The following KTN1 variants were observed in gnomAD, a reference collection of about 807,000 sequenced individuals.
The protein encoded by KTN1 is kinectin 1, also known as kinectin.
KTN1 carries 130 observed loss-of-function variants against 222.5 expected under a neutral mutation model. The ratio of observed to expected loss-of-function variants is 0.58; its 90% CI spans 0.51 to 0.68. KTN1 has a LOEUF of 0.68. Among genes scored for constraint, KTN1 ranks in the 30% least tolerant of loss-of-function variants. The pLI is 0.00. For synonymous variants in KTN1, 512 were observed against 496.3 expected (o/e 1.03, Z -0.42); for missense variants, 1,508 against 1,500.4 (o/e 1.01, Z -0.08).
At chr14:55,623,563 GT>G (rs2039428650) in intron 5 of KTN1, among the ~76,000 whole-genome samples, 1 of 152,164 alleles carries the variant, frequency 6.6e-6, no homozygotes, top group South Asian at 2.1e-4. Flanking sequence ...TAGAGATGGG[GT>G]TTCACTGTGT....
In KTN1 at chr14:55,672,699, A is replaced by G; in HGVS notation, c.3601A>G (p.Asn1201Asp). 6.4e-7 allele frequency: 1 copy of G among 1,571,682 alleles called. No individual in the cohort carries two copies. Among genetic ancestry groups the G allele is most frequent in the South Asian group, 1.1e-5 (1 of 89,902 alleles). ...RLRSENKDIE[N>D]LRREREHLEM... is the part of the protein sequence containing the mutation. Reference sequence around the variant, plus strand: ...AAGAAGCGAAAATAAGGATATTGAAAATGTATGTTATTTGATTGTTTTACT... The same window carrying G: ...AAGAAGCGAAAATAAGGATATTGAAGATGTATGTTATTTGATTGTTTTACT... The change falls in exon 38 of 44, where the codon AAT (asparagine) becomes GAT (aspartate). Residue 1201 changes from asparagine (N) to aspartate (D), a missense_variant and splice_region_variant. Transcript: ENST00000395314.
chr14:55,656,270 A>G (rs2043457925), intron 29 of KTN1, 138 bp downstream of exon 29: 2 of 615,302 alleles, frequency 3.3e-6, no homozygotes, highest in Non-Finnish European at 2.9e-6. Flanking sequence ...CATTATTGGC[A>G]TGTTTTTTGA....
intron 42 of KTN1, 38 bp downstream of exon 42, chr14:55,678,482 T>C: frequency 7.7e-7 from 1 of 1,304,208 alleles, no homozygotes. Context: ...CTGAGCTAGT[T>C]ACCTTGTGAC....
In KTN1 at chr14:55,672,942, G is replaced by A. The variant is rs762745928; in HGVS notation, c.3617G>A (p.Arg1206Gln). ...NKDIENLRRE[R>Q]EHLEMELEKA... is the part of the protein sequence containing the mutation. ...TTGCATTGCTAGCTGAGAAGAGAAC[G>A]AGAACATTTGGAAATGGAACTAGAA... The change falls in exon 39 of 44, where the codon CGA (arginine) becomes CAA (glutamine). Residue 1206 changes from arginine (R) to glutamine (Q), a missense_variant. Physicochemically the swap from Arg to Gln is conservative, Grantham distance 43 (BLOSUM62 1). Transcript: ENST00000395314. 3.7e-6 allele frequency: 6 copies of A among 1,612,970 alleles called. No individual in the cohort carries two copies. The highest frequency in any genetic ancestry group is 3.3e-5 in the Admixed American group (2 of 60,000).
rs972656892 is a variant in KTN1 at position 55,613,756 on chromosome 14, A to G, written c.523+1185A>G. Reference sequence around the variant, plus strand: ...AGTGCTGAAATTACAGGCGTGAGCCACCACGCTTGACCCGGTTGTATTGGA... The same window carrying G: ...AGTGCTGAAATTACAGGCGTGAGCCGCCACGCTTGACCCGGTTGTATTGGA... On this transcript the variant is annotated intron_variant, in intron 2 of 43. Coordinates refer to ENST00000395314, the MANE Select transcript of KTN1 (RefSeq NM_001079521.2). Among the ~76,000 whole-genome samples the G allele has an allele frequency of 7.1e-4, 108 of 152,172 alleles. 1 individual carries two copies. Among genetic ancestry groups the G allele is most frequent in the African/African-American group, 2.4e-3 (98 of 41,422 alleles).
intron 18 of KTN1, chr14:55,644,241 C>A: frequency 3.7e-5 from 16 of 435,268 alleles, no homozygotes; most frequent in East Asian, 7.2e-5. Context: ...TTCCACTTTT[C>A]TTTAACCCCT....
chr14:55,617,233 G>GT (rs571371316), intron 3 of KTN1, among the ~76,000 whole-genome samples: 170 of 152,216 alleles, frequency 1.1e-3, no homozygotes, highest in African/African-American at 3.9e-3. Flanking sequence ...AAAATTAAAT[G>GT]TTAAACAATT....
intron 2 of KTN1, among the ~76,000 whole-genome samples, chr14:55,614,944 A>G (rs2038131858): frequency 6.6e-6 from 1 of 152,154 alleles, no homozygotes. Flanking sequence ...GCAACTCAGG[A>G]TGCAGTAGGG....
chr14:55,661,197 A>G (rs1566823967), intron 31 of KTN1: 1 of 170,352 alleles, frequency 5.9e-6, no homozygotes, highest in Non-Finnish European at 1.2e-5. Context: ...TCCTCTAAAA[A>G]TAGCTACTGT....
intron 12 of KTN1, 79 bp downstream of exon 12, chr14:55,637,926 A>C (rs897381430): frequency 9.9e-7 from 1 of 1,010,220 alleles, no homozygotes; most frequent in East Asian, 2.4e-5. Flanking sequence ...TTGAGTGCCA[A>C]TTACTGGATT....
intron 2 of KTN1, among the ~76,000 whole-genome samples, chr14:55,614,527 G>A (rs1594850182): frequency 6.6e-6 from 1 of 152,140 alleles, no homozygotes; most frequent in East Asian, 1.9e-4. Flanking sequence ...GCCGCATGTA[G>A]CCCACTTCCT....
At chr14:55,650,518 T>G in intron 23 of KTN1, 51 bp from the exon 24 acceptor site, 2 of 1,535,584 alleles carry the variant, frequency 1.3e-6, no homozygotes, top group Non-Finnish European at 1.8e-6. Flanking sequence ...GCATTTTATG[T>G]CAATTTCTGT....
At chr14:55,651,084 C>T (rs1325721355) in intron 24 of KTN1, among the ~76,000 whole-genome samples, 1 of 152,102 alleles carries the variant, frequency 6.6e-6, no homozygotes, top group Non-Finnish European at 1.5e-5. Flanking sequence ...TGATTTTAAT[C>T]TGATAAGGCT....
intron 34 of KTN1, among the ~76,000 whole-genome samples, chr14:55,670,058 A>G (rs2045308299): frequency 6.6e-6 from 1 of 152,088 alleles, no homozygotes; most frequent in Non-Finnish European, 1.5e-5. Context: ...AAAATTTAGA[A>G]TAAATGCCAA....
At chr14:55,667,368 T>A in intron 34 of KTN1, 38 bp downstream of exon 34, 1 of 1,258,370 alleles carries the variant, frequency 7.9e-7, no homozygotes. Flanking sequence ...ATGATGACAT[T>A]ATTCAAGAAA....
Position 55,656,088 on chromosome 14 carries a change from A to T in KTN1, c.2848A>T (p.Lys950Ter). ...NELKRLEAMLKERESDLSSKT... is the reference protein window; with the variant it reads ...NELKRLEAML ...ATTGAAGAGGTTAGAAGCCATGCTA[A>T]AAGAGAGGGAGAGTGATCTTTCTAG... Residue 950 changes from lysine to a stop codon, truncating the protein, a stop_gained, in exon 29 of 44, where the codon AAA becomes TAA. Transcript: ENST00000395314. LOFTEE classifies it high-confidence loss of function. 1 of 1,611,612 alleles carries T rather than the reference A, an allele frequency of 6.2e-7. No homozygotes were observed. Among genetic ancestry groups the T allele is most frequent in the Non-Finnish European group, 8.5e-7 (1 of 1,178,076 alleles).
At chr14:55,651,801 T>C (rs2042952264) in intron 24 of KTN1, 89 bp from the exon 25 acceptor site, 2 of 801,930 alleles carry the variant, frequency 2.5e-6, no homozygotes, top group Admixed American at 2.8e-5. Context: ...TCTTTGTAAT[T>C]TGAAGTGTAC....
chr14:55,610,615 G>A (rs1010210631), intron 1 of KTN1, among the ~76,000 whole-genome samples: 20 of 152,196 alleles, frequency 1.3e-4, no homozygotes, highest in African/African-American at 4.8e-4. Flanking sequence ...CATTAAAAGT[G>A]TAGCAATTAA....
intron 1 of KTN1, among the ~76,000 whole-genome samples, chr14:55,607,002 A>G (rs1464317189): frequency 3.3e-5 from 5 of 152,286 alleles, no homozygotes; most frequent in Non-Finnish European, 7.4e-5. Flanking sequence ...TCATTGTTTT[A>G]TTATATAGAC....
Sources: allele counts gnomAD v4.1 joint callset (sites outside exome capture counted in the v4.1 genomes callset), GRCh38; gene constraint gnomAD v4.1.1; transcripts MANE v1.5; gene names NCBI Gene and HGNC (gene_info 2026-07-23, HGNC 2026-07-21).